Variants in NAV2 observed in about 807,000 individuals in gnomAD.
The protein encoded by NAV2 is neuron navigator 2.
Under a neutral mutation model 223.2 loss-of-function variants are expected in NAV2, and 54 were observed. The ratio of observed to expected loss-of-function variants is 0.24; its 90% CI spans 0.19 to 0.30. The LOEUF (loss-of-function observed/expected upper bound fraction) is 0.30, where lower values mean the gene tolerates loss of function less well. NAV2 is among the 10% of genes least tolerant of loss of function. The pLI is 1.00. For synonymous variants in NAV2, 1,279 were observed against 1,239.3 expected, an observed-to-expected ratio of 1.03 and a Z score of -0.67; for missense variants, 2,806 against 3,147.5, an observed-to-expected ratio of 0.89 and a Z score of 2.60.
chr11:19,957,641 T>C (rs2047991716), intron 10 of NAV2, among the ~76,000 whole-genome samples: 2 of 152,204 alleles, frequency 1.3e-5, no homozygotes, highest in Non-Finnish European at 2.9e-5. Flanking sequence ...TATCGGCGTC[T>C]GGGTAGGCAG....
intron 8 of NAV2, among the ~76,000 whole-genome samples, chr11:19,941,495 G>A (rs1043161867): frequency 7.9e-6 from 1 of 125,982 alleles, no homozygotes; most frequent in Non-Finnish European, 1.6e-5. Flanking sequence ...CCAATCCTTT[G>A]AAATGACAGT....
chr11:20,111,576 C>T (rs1337538952), intron 36 of NAV2, among the ~76,000 whole-genome samples: 1 of 152,216 alleles, frequency 6.6e-6, no homozygotes, highest in Non-Finnish European at 1.5e-5. Flanking sequence ...GCCCTGCTTC[C>T]CTTTGGAGCT....
chr11:19,791,204 G>A (rs988104012), intron 1 of NAV2, among the ~76,000 whole-genome samples: 23 of 152,152 alleles, frequency 1.5e-4, no homozygotes, highest in Admixed American at 4.6e-4. Flanking sequence ...TCCTGCCCAC[G>A]TGGACATCAC....
rs562524870 is a variant in NAV2 at position 19,816,533 on chromosome 11, A to G, written c.268-15951A>G. Among the ~76,000 whole-genome samples, 95 of 152,232 alleles carry G rather than the reference A, an allele frequency of 6.2e-4. 1 individual carries two copies. Among genetic ancestry groups the G allele is most frequent in the African/African-American group, 2.1e-3 (89 of 41,532 alleles). On this transcript the variant is annotated intron_variant, in intron 1 of 37. Coordinates refer to ENST00000349880, the MANE Select transcript of NAV2 (RefSeq NM_145117.5). ...GTGCTTCACATTTTTTCCTCATTCA[A>G]TTCTTCATCTAAGTTGGTGCAGTAG...
At chr11:19,621,588 G>T (rs1405155778) in intron 1 of NAV2, among the ~76,000 whole-genome samples, 1 of 152,168 alleles carries the variant, frequency 6.6e-6, no homozygotes, top group Non-Finnish European at 1.5e-5. Context: ...ATTTCTGTGG[G>T]ATCGGTGGTG....
chr11:19,500,833 T>C (rs559710084), intron 1 of NAV2, among the ~76,000 whole-genome samples: 1 of 152,342 alleles, frequency 6.6e-6, no homozygotes, highest in East Asian at 1.9e-4. Context: ...GTGGCAAAGA[T>C]CTTTTGATAC....
Position 20,092,209 on chromosome 11 carries a change from G to A in NAV2, c.5656G>A (p.Glu1886Lys). 6.2e-7 allele frequency: 1 copy of A among 1,614,186 alleles called. No individual in the cohort carries two copies. Among genetic ancestry groups the A allele is most frequent in the Non-Finnish European group, 8.5e-7 (1 of 1,179,986 alleles). ...LREAMNRMQS[E>K]IEKLKAENDR... ...GCTTCTCCATTACTCTTTGCAGAGTGAAATAGAGAAGCTGAAAGCTGAGAA... is the reference window on the plus strand; with the variant it reads ...GCTTCTCCATTACTCTTTGCAGAGTAAAATAGAGAAGCTGAAAGCTGAGAA... The change falls in exon 28 of 38, where the codon GAA becomes AAA. Residue 1886 changes from glutamate to lysine, a missense_variant. Physicochemically the swap from Glu to Lys is moderately conservative, Grantham distance 56. Coordinates refer to ENST00000349880, the MANE Select transcript of NAV2 (RefSeq NM_145117.5).
intron 10 of NAV2, chr11:19,978,775 T>G (rs762442448): frequency 2.0e-5 from 3 of 152,026 alleles, no homozygotes; most frequent in African/African-American, 4.8e-5. Context: ...CAGAGGTGAT[T>G]TCTGGTGAGA....
At chr11:19,775,509 C>G (rs2056087924) in intron 1 of NAV2, among the ~76,000 whole-genome samples, 1 of 152,178 alleles carries the variant, frequency 6.6e-6, no homozygotes. Context: ...CCACTATGGG[C>G]CACACATTGT....
chr11:19,935,902 G>A (rs2045855389), intron 7 of NAV2, among the ~76,000 whole-genome samples: 1 of 118,302 alleles, frequency 8.5e-6, no homozygotes, highest in Non-Finnish European at 1.6e-5. Context: ...CTATCGCCAT[G>A]GCTGGAGTGC....
At chr11:19,960,972 G>A (rs1177213085) in intron 10 of NAV2, among the ~76,000 whole-genome samples, 1 of 152,068 alleles carries the variant, frequency 6.6e-6, no homozygotes, top group East Asian at 1.9e-4. Flanking sequence ...TCTCTACTCA[G>A]TGTTATGCAA....
At chr11:19,765,507 C>A (rs11819786) in intron 1 of NAV2, among the ~76,000 whole-genome samples, 66,602 of 150,646 alleles carry the variant, frequency 0.44, 16,221 homozygotes, top group African/African-American at 0.65. Context: ...CCCTTTAAAA[C>A]TGGAGAAGCT....
intron 1 of NAV2, among the ~76,000 whole-genome samples, chr11:19,694,058 C>T (rs1195962067): frequency 1.3e-5 from 2 of 152,208 alleles, no homozygotes; most frequent in Non-Finnish European, 2.9e-5. Flanking sequence ...GTCATTTGAT[C>T]TTCACAATAA....
intron 11 of NAV2, among the ~76,000 whole-genome samples, chr11:19,984,973 C>T (rs550332024): frequency 1.3e-5 from 2 of 152,274 alleles, no homozygotes; most frequent in East Asian, 3.9e-4. Context: ...GATTTCAGTG[C>T]AGATTTCAAA....
chr11:19,965,101 G>A (rs542721559), intron 10 of NAV2, among the ~76,000 whole-genome samples: 81 of 152,178 alleles, frequency 5.3e-4, no homozygotes, highest in African/African-American at 1.9e-3. Context: ...TTACAGGTGT[G>A]AGCCACTGGA....
intron 1 of NAV2, among the ~76,000 whole-genome samples, chr11:19,388,891 G>A (rs891232373): frequency 6.6e-6 from 1 of 152,170 alleles, no homozygotes; most frequent in Non-Finnish European, 1.5e-5. Context: ...GGTTCAGAAA[G>A]GTTAAGTACC....
chr11:20,055,702 G>T, intron 18 of NAV2, 67 bp from the exon 19 acceptor site: 1 of 1,431,222 alleles, frequency 7.0e-7, no homozygotes. Flanking sequence ...TCTTCTCTTT[G>T]TCCCCAACCA....
At chr11:19,672,123 A>G (rs1476653909) in intron 1 of NAV2, among the ~76,000 whole-genome samples, 2 of 152,168 alleles carry the variant, frequency 1.3e-5, no homozygotes, top group Non-Finnish European at 2.9e-5. Flanking sequence ...AAGCCAGGGG[A>G]TGGAGCAGGG....
intron 1 of NAV2, among the ~76,000 whole-genome samples, chr11:19,699,882 C>T (rs978491678): frequency 4.6e-5 from 7 of 152,132 alleles, no homozygotes; most frequent in African/African-American, 1.7e-4. Context: ...CTTTTCCTGC[C>T]TGGTCCATTG....
Sources: allele counts gnomAD v4.1 joint callset (sites outside exome capture counted in the v4.1 genomes callset), GRCh38; gene constraint gnomAD v4.1.1; transcripts MANE v1.5; gene names NCBI Gene and HGNC (gene_info 2026-07-23, HGNC 2026-07-21).